Variants in AFG2A observed in about 807,000 individuals in gnomAD.
AFG2A encodes AAA ATPase AFG2A, also known as ATPase family gene 2 protein homolog A.
At chr4:123,049,954 T>C in the AFG2A span, among the ~76,000 whole-genome samples, 7 of 152,134 alleles carry the variant, frequency 4.6e-5, no homozygotes, top group Non-Finnish European at 8.8e-5. Flanking sequence ...TTTAAGGCTT[T>C]AAACTTCCCT....
the AFG2A span, chr4:123,256,229 C>G: frequency 6.3e-7 from 1 of 1,594,882 alleles, no homozygotes; most frequent in Non-Finnish European, 8.6e-7. Flanking sequence ...AGCGGTGGCT[C>G]AGGGTCATTA....
At chr4:123,096,822 T>A in the AFG2A span, among the ~76,000 whole-genome samples, 1 of 152,176 alleles carries the variant, frequency 6.6e-6, no homozygotes, top group Non-Finnish European at 1.5e-5. Flanking sequence ...CAGGATTATT[T>A]TCTATTGTTG....
chr4:123,294,918 A>G, the AFG2A span, among the ~76,000 whole-genome samples: 1 of 152,234 alleles, frequency 6.6e-6, no homozygotes. Flanking sequence ...TATCATGTAC[A>G]TGAAAAGTTG....
chr4:123,033,357 A>T, the AFG2A span, among the ~76,000 whole-genome samples: 18 of 151,280 alleles, frequency 1.2e-4, no homozygotes, highest in East Asian at 7.7e-4. Flanking sequence ...TGTTTTTTTT[A>T]AAAAAATAGA....
chr4:123,177,239 C>T, the AFG2A span, among the ~76,000 whole-genome samples: 1 of 145,764 alleles, frequency 6.9e-6, no homozygotes, highest in Admixed American at 7.0e-5. Context: ...TGTCACCAGG[C>T]TGGAGTGCAG....
chr4:123,308,677 G>A, the AFG2A span, among the ~76,000 whole-genome samples: 7,206 of 152,264 alleles, frequency 0.047, 557 homozygotes, highest in African/African-American at 0.16. Context: ...AGTCCCTGGT[G>A]CTAAAAAGGT....
the AFG2A span, among the ~76,000 whole-genome samples, chr4:123,247,265 CATAA>C: frequency 0.024 from 3,681 of 151,078 alleles, 160 homozygotes; most frequent in African/African-American, 0.083. Context: ...CTAATACTAA[CATAA>C]ATATATATAT....
chr4:123,136,758 C>A, the AFG2A span, among the ~76,000 whole-genome samples: 2 of 150,952 alleles, frequency 1.3e-5, no homozygotes, highest in African/African-American at 4.9e-5. Context: ...AGAAGAATCG[C>A]TTGAACCCAG....
At chr4:123,256,102 G>C in the AFG2A span, 1 of 1,614,098 alleles carries the variant, frequency 6.2e-7, no homozygotes, top group South Asian at 1.1e-5. Flanking sequence ...TTAAGCTGCA[G>C]TTTCACTCCA....
At chr4:123,157,209 A>G in the AFG2A span, among the ~76,000 whole-genome samples, 1 of 151,462 alleles carries the variant, frequency 6.6e-6, no homozygotes, top group Non-Finnish European at 1.5e-5. Flanking sequence ...TTTTAAGTAG[A>G]GACAGGGTTT....
chr4:123,120,417 T>A, the AFG2A span, among the ~76,000 whole-genome samples: 1 of 152,192 alleles, frequency 6.6e-6, no homozygotes, highest in African/African-American at 2.4e-5. Context: ...TTATCCGTTA[T>A]AATTAACCAT....
At chr4:123,225,394 G>T in the AFG2A span, among the ~76,000 whole-genome samples, 1 of 152,146 alleles carries the variant, frequency 6.6e-6, no homozygotes, top group Non-Finnish European at 1.5e-5. Flanking sequence ...TGTATAAGGT[G>T]TAAGGAAGGG....
the AFG2A span, among the ~76,000 whole-genome samples, chr4:123,274,688 C>T: frequency 2.6e-5 from 4 of 151,802 alleles, no homozygotes; most frequent in African/African-American, 9.7e-5. Context: ...ATTGGACTTC[C>T]CACTAGATTA....
the AFG2A span, among the ~76,000 whole-genome samples, chr4:123,111,890 A>G: frequency 6.6e-6 from 1 of 151,796 alleles, no homozygotes; most frequent in Non-Finnish European, 1.5e-5. Flanking sequence ...GCATGTGCCA[A>G]TTTTTGTATT....
At chr4:123,238,721 A>G in the AFG2A span, among the ~76,000 whole-genome samples, 1 of 152,214 alleles carries the variant, frequency 6.6e-6, no homozygotes. Flanking sequence ...AACCACAAAG[A>G]TGGGGAGAAA....
chr4:123,171,562 A>G, the AFG2A span, among the ~76,000 whole-genome samples: 3 of 152,142 alleles, frequency 2.0e-5, no homozygotes, highest in Non-Finnish European at 2.9e-5. Flanking sequence ...AGACTATAGT[A>G]AGTGATCTTT....
the AFG2A span, among the ~76,000 whole-genome samples, chr4:123,173,406 AGTGCAATG>A: frequency 7.9e-6 from 1 of 126,102 alleles, no homozygotes; most frequent in Non-Finnish European, 1.5e-5. Flanking sequence ...CCCAGGCTGG[AGTGCAATG>A]GTGCAATCTC....
chr4:123,235,878 A>G, the AFG2A span, among the ~76,000 whole-genome samples: 1 of 152,222 alleles, frequency 6.6e-6, no homozygotes, highest in East Asian at 1.9e-4. Flanking sequence ...AGGAAATTAT[A>G]TTTTTTAACT....
the AFG2A span, among the ~76,000 whole-genome samples, chr4:123,290,191 G>A: frequency 6.6e-6 from 1 of 152,112 alleles, no homozygotes; most frequent in South Asian, 2.1e-4. Flanking sequence ...GTGCAGAAGT[G>A]TTTTAGTTTA....
Sources: gnomAD v4.1 joint callset for allele counts (sites outside exome capture counted in the v4.1 genomes callset) on GRCh38, gnomAD v4.1.1 for gene constraint, MANE v1.5 for transcripts, NCBI Gene and HGNC (gene_info 2026-07-23, HGNC 2026-07-21) for gene names.